DNER: variants seen among roughly 807,000 people sequenced by gnomAD.
DNER encodes the protein delta/notch like EGF repeat containing.
Under a neutral mutation model 78.2 loss-of-function variants are expected in DNER, and 33 were observed. The observed-to-expected ratio is 0.42, with a 90% CI of 0.32 to 0.56. The LOEUF is 0.56. Ranked by LOEUF, DNER falls within the 20% of genes least tolerant of loss-of-function variation. The pLI is 0.11. For synonymous variants in DNER, 417 were observed against 384.8 expected, an observed-to-expected ratio of 1.08 and a Z score of -0.98; for missense variants, 918 against 975.3, an observed-to-expected ratio of 0.94 and a Z score of 0.78.
intron 7 of DNER, among the ~76,000 whole-genome samples, chr2:229,453,920 T>TAAAAAAA (rs10602558): frequency 3.7e-5 from 4 of 106,868 alleles, no homozygotes; most frequent in Non-Finnish European, 5.7e-5. Context: ...TAAAATATAT[T>TAAAAAAA]AAAAAAAAAA....
Position 229,358,299 on chromosome 2 carries a change from C to T in DNER, c.*241G>A, listed in dbSNP as rs1574802854. The T allele has an allele frequency of 3.6e-6, 1 of 276,310 alleles. No homozygotes were observed. The highest frequency in any genetic ancestry group is 6.7e-5 in the East Asian group (1 of 14,884). 17.1% of individuals were successfully genotyped at this position (276,310 alleles called of 1,614,324 possible). ...TAGTGTCTACAGTGAAAAGAGCACACACTAGTAGAAGCACACAGTTTAGAG... is the reference window on the plus strand; with the variant it reads ...TAGTGTCTACAGTGAAAAGAGCACATACTAGTAGAAGCACACAGTTTAGAG... On this transcript the variant is annotated 3_prime_UTR_variant, in exon 13 of 13. Transcript: ENST00000341772.
chr2:229,691,345 T>C (rs1312146227), intron 1 of DNER, among the ~76,000 whole-genome samples: 2 of 152,152 alleles, frequency 1.3e-5, no homozygotes, highest in African/African-American at 4.8e-5. Flanking sequence ...ACAGAGTTTA[T>C]TTCTACCACA....
At chr2:229,713,709 A>G (rs1404460678) in intron 1 of DNER, among the ~76,000 whole-genome samples, 1 of 152,178 alleles carries the variant, frequency 6.6e-6, no homozygotes, top group Non-Finnish European at 1.5e-5. Flanking sequence ...CACACCCTTT[A>G]CACACACAGG....
intron 1 of DNER, among the ~76,000 whole-genome samples, chr2:229,703,479 G>A (rs1699782781): frequency 6.6e-6 from 1 of 152,122 alleles, no homozygotes. Context: ...CCTTGGGTTA[G>A]GCAAAGATCT....
At chr2:229,426,168 G>A (rs767751817) in intron 8 of DNER, among the ~76,000 whole-genome samples, 19 of 152,072 alleles carry the variant, frequency 1.2e-4, no homozygotes, top group East Asian at 3.9e-4. Flanking sequence ...GGGGCCGGGC[G>A]CGGTGGTTCA....
At chr2:229,588,614 G>A in intron 2 of DNER, 126 bp from the exon 3 acceptor site, 2 of 721,812 alleles carry the variant, frequency 2.8e-6, no homozygotes, top group South Asian at 3.6e-5. Context: ...GGGCTAGAGA[G>A]GAGATGAAGA....
At chr2:229,588,814 C>T (rs543696951) in intron 2 of DNER, among the ~76,000 whole-genome samples, 16 of 152,320 alleles carry the variant, frequency 1.1e-4, no homozygotes, top group Non-Finnish European at 2.2e-4. Context: ...TCATTGACCC[C>T]TGCACTATGC....
intron 6 of DNER, among the ~76,000 whole-genome samples, chr2:229,487,439 C>G (rs73998248): frequency 6.6e-6 from 1 of 151,990 alleles, no homozygotes; most frequent in Non-Finnish European, 1.5e-5. Context: ...CTGATGATTC[C>G]GAAGAGGAAG....
intron 5 of DNER, among the ~76,000 whole-genome samples, chr2:229,526,680 G>T (rs896476626): frequency 6.6e-6 from 1 of 152,222 alleles, no homozygotes; most frequent in Non-Finnish European, 1.5e-5. Context: ...CGGACAGGAG[G>T]CAGAGCTCAG....
intron 6 of DNER, among the ~76,000 whole-genome samples, chr2:229,506,520 T>C (rs11897992): frequency 9.9e-5 from 10 of 100,654 alleles, no homozygotes; most frequent in Non-Finnish European, 1.7e-4. Flanking sequence ...CCTTTTTTTT[T>C]CTTTTTTTTT....
At chr2:229,598,437 G>A (rs1697764004) in intron 1 of DNER, among the ~76,000 whole-genome samples, 1 of 152,220 alleles carries the variant, frequency 6.6e-6, no homozygotes, top group Admixed American at 6.5e-5. Context: ...AGATGAGTCA[G>A]AGACGTTAAC....
intron 7 of DNER, among the ~76,000 whole-genome samples, chr2:229,457,598 T>C (rs1694603965): frequency 6.6e-6 from 1 of 151,596 alleles, no homozygotes; most frequent in Admixed American, 6.6e-5. Flanking sequence ...AAATATTCTA[T>C]TTACCCACCC....
chr2:229,395,396 C>T (rs1409395198), intron 10 of DNER, among the ~76,000 whole-genome samples: 2 of 152,162 alleles, frequency 1.3e-5, no homozygotes, highest in South Asian at 2.1e-4. Context: ...GGCTGATCAG[C>T]GTTGAGTTGC....
intron 1 of DNER, among the ~76,000 whole-genome samples, chr2:229,608,139 C>T (rs1418850021): frequency 6.6e-6 from 1 of 150,984 alleles, no homozygotes; most frequent in Non-Finnish European, 1.5e-5. Context: ...TTATACCATA[C>T]ATCTACACAC....
At chr2:229,526,671 G>A (rs1407345527) in intron 5 of DNER, among the ~76,000 whole-genome samples, 22 of 152,188 alleles carry the variant, frequency 1.4e-4, no homozygotes, top group Admixed American at 1.4e-3. Flanking sequence ...TCCGCTGATC[G>A]GACAGGAGGC....
chr2:229,405,758 G>A (rs1349950758), intron 10 of DNER, among the ~76,000 whole-genome samples: 1 of 152,128 alleles, frequency 6.6e-6, no homozygotes, highest in African/African-American at 2.4e-5. Context: ...ATATCAGAAT[G>A]TATCAAAATC....
intron 1 of DNER, among the ~76,000 whole-genome samples, chr2:229,692,386 G>A (rs1699593976): frequency 6.6e-6 from 1 of 152,086 alleles, no homozygotes; most frequent in Admixed American, 6.5e-5. Flanking sequence ...TGCATTTCTG[G>A]TTTATTCATA....
intron 1 of DNER, among the ~76,000 whole-genome samples, chr2:229,661,961 C>T (rs1699017175): frequency 6.6e-6 from 1 of 152,178 alleles, no homozygotes; most frequent in Non-Finnish European, 1.5e-5. Context: ...CTCCAGCAGG[C>T]AGCCACAAGA....
At chr2:229,442,202 C>G (rs1167282453) in intron 8 of DNER, among the ~76,000 whole-genome samples, 3 of 152,136 alleles carry the variant, frequency 2.0e-5, no homozygotes, top group African/African-American at 7.2e-5. Context: ...CAGAAACCCC[C>G]TACAGCATGT....
Sources: gnomAD v4.1 joint callset for allele counts (sites outside exome capture counted in the v4.1 genomes callset) on GRCh38, gnomAD v4.1.1 for gene constraint, MANE v1.5 for transcripts, NCBI Gene and HGNC (gene_info 2026-07-23, HGNC 2026-07-21) for gene names.